Variants in RIMBP2 observed in about 807,000 individuals in gnomAD.
RIMBP2 encodes RIMS binding protein 2, also known as RIMS-binding protein 2.
Under a neutral mutation model 118.6 loss-of-function variants are expected in RIMBP2, and 48 were observed. That is an observed-to-expected ratio of 0.40 (90% CI 0.32 to 0.51). RIMBP2 has a LOEUF of 0.51. Ranked by LOEUF, RIMBP2 falls within the 20% of genes least tolerant of loss-of-function variation. RIMBP2 has a pLI of 0.41. For synonymous variants in RIMBP2, 762 were observed against 742.9 expected (o/e 1.03, Z -0.42); for missense variants, 1,551 against 1,768.3 (o/e 0.88, Z 2.20).
chr12:130,647,848 C>T (rs561620538), intron 1 of RIMBP2, among the ~76,000 whole-genome samples: 1 of 146,130 alleles, frequency 6.8e-6, no homozygotes, highest in South Asian at 2.1e-4. Context: ...CCCTTTAAGC[C>T]ATCTGGCAGT....
rs139751089 is a variant in RIMBP2, at chr12:130,402,503, C to A, written c.3766-2690G>T. 4.3e-3 allele frequency among the ~76,000 whole-genome samples: 657 copies of A among 152,218 alleles called. 11 individuals are homozygous for A. The highest frequency in any genetic ancestry group is 0.015 in the African/African-American group (640 of 41,520). On this transcript the variant is annotated intron_variant, in intron 21 of 22. Coordinates refer to ENST00000690449, the MANE Select transcript of RIMBP2 (RefSeq NM_001393629.1). ...TGTTTCCCAGCCTCCTGGACCCACT[C>A]CCATCCCCCTTCAAAAGTGTACCAT...
chr12:130,513,450 C>T (rs2051124282), intron 3 of RIMBP2, among the ~76,000 whole-genome samples: 1 of 152,208 alleles, frequency 6.6e-6, no homozygotes, highest in African/African-American at 2.4e-5. Context: ...TTGGCATCAG[C>T]TACTCAATGT....
chr12:130,412,499 G>T, intron 19 of RIMBP2, 120 bp downstream of exon 19: 1 of 930,286 alleles, frequency 1.1e-6, no homozygotes, highest in Non-Finnish European at 1.6e-6. Context: ...ACATTTACAT[G>T]ACTTTGGCAT....
rs948734035 is a variant in RIMBP2 at position 130,660,331 on chromosome 12, C to T, written c.-351-31875G>A. 5.9e-5 allele frequency: 2 copies of T among 33,642 alleles called. 1 individual carries two copies. The highest frequency in any genetic ancestry group is 2.0e-4 in the Non-Finnish European group (2 of 9,848). 2.1% of individuals were successfully genotyped at this position (33,642 alleles called of 1,614,324 possible). ...GCATTCAGGAAGGGAGCAGGAACCT[C>T]CTCTCTTCATTCTCTACCCTTCTCT... On this transcript the variant is annotated intron_variant, in intron 1 of 22. Coordinates refer to ENST00000690449, the MANE Select transcript of RIMBP2 (RefSeq NM_001393629.1).
intron 1 of RIMBP2, among the ~76,000 whole-genome samples, chr12:130,678,709 G>A (rs1382710409): frequency 2.0e-5 from 3 of 152,276 alleles, no homozygotes; most frequent in South Asian, 2.1e-4. Context: ...GTAGAGACGG[G>A]GTTTCACCAT....
rs767236695 is a variant in RIMBP2, at chr12:130,450,292, T to G, written c.505-16A>C. ...CATTCTCCATCTGTGAAAAAGGCAA[T>G]GGGTGTGTGGGTTATTGAAGCTGGA... On this transcript the variant is annotated splice_polypyrimidine_tract_variant and intron_variant, in intron 8 of 22. Coordinates refer to ENST00000690449, the MANE Select transcript of RIMBP2 (RefSeq NM_001393629.1). The surrounding 1 kb of genome is among the most constrained non-coding windows in gnomAD (Gnocchi z 4.8). 10 of 1,585,942 alleles carry G rather than the reference T, an allele frequency of 6.3e-6. No homozygotes were observed. In the Admixed American group the frequency reaches 6.8e-5, roughly 11 times the overall value.
At chr12:130,696,593 G>A (rs1566464269) in intron 1 of RIMBP2, among the ~76,000 whole-genome samples, 1 of 152,222 alleles carries the variant, frequency 6.6e-6, no homozygotes, top group African/African-American at 2.4e-5. Flanking sequence ...TGAGCCAGAG[G>A]TTCACAAAGC....
At chr12:130,428,455 G>A in intron 14 of RIMBP2, 118 bp from the exon 15 acceptor site, 1 of 1,039,392 alleles carries the variant, frequency 9.6e-7, no homozygotes, top group Non-Finnish European at 1.4e-6. Flanking sequence ...CACAGGCCTA[G>A]AGACGGGCAC....
chr12:130,685,859 C>T (rs945866718), intron 1 of RIMBP2, among the ~76,000 whole-genome samples: 1 of 152,234 alleles, frequency 6.6e-6, no homozygotes, highest in South Asian at 2.1e-4. Context: ...ACTGCGTGTC[C>T]GCTGGTGGAC....
intron 1 of RIMBP2, among the ~76,000 whole-genome samples, chr12:130,671,433 T>C (rs957937176): frequency 6.6e-6 from 1 of 152,182 alleles, no homozygotes; most frequent in Non-Finnish European, 1.5e-5. Context: ...TAAAATTATC[T>C]CATTATTGAC....
intron 2 of RIMBP2, among the ~76,000 whole-genome samples, chr12:130,603,322 GA>G (rs2059973801): frequency 6.6e-6 from 1 of 152,208 alleles, no homozygotes; most frequent in Non-Finnish European, 1.5e-5. Context: ...AGTCTCTGTT[GA>G]AATAGAAGTG....
chr12:130,679,916 G>A (rs1446101788), intron 1 of RIMBP2, among the ~76,000 whole-genome samples: 3 of 151,542 alleles, frequency 2.0e-5, no homozygotes, highest in Non-Finnish European at 4.4e-5. Flanking sequence ...TGCAGGCAGT[G>A]TGTTCACCCA....
intron 10 of RIMBP2, 34 bp downstream of exon 10, chr12:130,445,126 C>T: frequency 6.9e-7 from 1 of 1,449,992 alleles, no homozygotes. Flanking sequence ...ACTGGCCCAG[C>T]CTACGTCCGC....
At chr12:130,437,582 G>A (rs2077629251) in intron 12 of RIMBP2, among the ~76,000 whole-genome samples, 1 of 152,232 alleles carries the variant, frequency 6.6e-6, no homozygotes, top group Non-Finnish European at 1.5e-5. Flanking sequence ...AGTAGATGCA[G>A]GGGCCAGAGA....
At chr12:130,457,708 G>A (rs564995956) in intron 6 of RIMBP2, among the ~76,000 whole-genome samples, 10 of 152,276 alleles carry the variant, frequency 6.6e-5, no homozygotes, top group South Asian at 4.1e-4. Context: ...CTACACTCTC[G>A]GCCCCAAGCC....
chr12:130,510,788 A>C (rs1291190465), intron 3 of RIMBP2, among the ~76,000 whole-genome samples: 1 of 151,990 alleles, frequency 6.6e-6, no homozygotes, highest in Non-Finnish European at 1.5e-5. Context: ...TCTTTCATGG[A>C]CCTCGTCTCA....
intron 6 of RIMBP2, among the ~76,000 whole-genome samples, chr12:130,462,123 G>T (rs1293802663): frequency 6.6e-6 from 1 of 152,238 alleles, no homozygotes; most frequent in African/African-American, 2.4e-5. Flanking sequence ...TGGGTGTGTG[G>T]GGGGTCAGGT....
intron 1 of RIMBP2, among the ~76,000 whole-genome samples, chr12:130,694,972 TAAGCGAGATCCCAC>T (rs2065497668): frequency 6.6e-6 from 1 of 152,170 alleles, no homozygotes; most frequent in South Asian, 2.1e-4. Flanking sequence ...AGACTGAGGA[TAAGCGAGATCCCAC>T]AACAGATCAG....
intron 6 of RIMBP2, among the ~76,000 whole-genome samples, chr12:130,458,980 G>A (rs1380184788): frequency 1.3e-5 from 2 of 150,438 alleles, no homozygotes; most frequent in South Asian, 2.1e-4. Flanking sequence ...GGAGGCAGAG[G>A]TTGTAGTGAG....
Sources: allele counts gnomAD v4.1 joint callset (sites outside exome capture counted in the v4.1 genomes callset), GRCh38; gene constraint gnomAD v4.1.1; non-coding constraint Gnocchi (gnomAD v3.1); transcripts MANE v1.5; gene names NCBI Gene and HGNC (gene_info 2026-07-23, HGNC 2026-07-21).